SH3RF3: variants seen among roughly 807,000 people sequenced by gnomAD.
SH3RF3 encodes SH3 domain containing ring finger 3, also known as E3 ubiquitin-protein ligase SH3RF3.
Under a neutral mutation model 66.3 loss-of-function variants are expected in SH3RF3, and 29 were observed. The ratio of observed to expected loss-of-function variants is 0.44; its 90% CI spans 0.33 to 0.60. SH3RF3 has a LOEUF of 0.60. Ranked by LOEUF, SH3RF3 falls within the 20% of genes least tolerant of loss-of-function variation. SH3RF3 has a pLI of 0.04. For missense variants in SH3RF3, 1,194 were observed against 1,190.9 expected (o/e 1.00, Z -0.04); for synonymous variants, 583 against 532.0 (o/e 1.10, Z -1.32).
chr2:109,182,333 A>G (rs952530307), intron 1 of SH3RF3, among the ~76,000 whole-genome samples: 1 of 152,202 alleles, frequency 6.6e-6, no homozygotes, highest in Non-Finnish European at 1.5e-5. Context: ...TTTTATAACT[A>G]GCCCACTCCC....
chr2:109,386,145 C>T (rs1407315789), intron 3 of SH3RF3, among the ~76,000 whole-genome samples: 1 of 152,234 alleles, frequency 6.6e-6, no homozygotes, highest in East Asian at 1.9e-4. Flanking sequence ...AGGGTCAAGG[C>T]TGCAAAGCTG....
chr2:109,156,052 G>A (rs905872388), intron 1 of SH3RF3, among the ~76,000 whole-genome samples: 4 of 152,172 alleles, frequency 2.6e-5, no homozygotes, highest in Admixed American at 1.3e-4. Flanking sequence ...GAAATCACCC[G>A]TACTTTGGGA....
At chr2:109,313,523 C>T (rs767191388) in intron 1 of SH3RF3, 16 of 154,866 alleles carry the variant, frequency 1.0e-4, no homozygotes, top group Middle Eastern at 5.1e-4. Context: ...AGTTGGTCAT[C>T]GCAATGGTCT....
At chr2:109,470,380 A>G (rs1678471527) in intron 8 of SH3RF3, among the ~76,000 whole-genome samples, 1 of 152,140 alleles carries the variant, frequency 6.6e-6, no homozygotes, top group East Asian at 1.9e-4. Flanking sequence ...GCTGGATCTC[A>G]ACAAGTCCCT....
intron 8 of SH3RF3, among the ~76,000 whole-genome samples, chr2:109,482,659 T>G (rs1012999796): frequency 6.6e-6 from 1 of 152,236 alleles, no homozygotes; most frequent in African/African-American, 2.4e-5. Flanking sequence ...GTAATAATCC[T>G]GATGCCCAGG....
In SH3RF3 at chr2:109,457,820, C is replaced by T. The variant is rs576166730; in HGVS notation, c.2148+8331C>T. ...GTTCAGAAGAAAAACAAGCGCACAC[C>T]CCATAAACTACATCAGAAGGTAATG... On this transcript the variant is annotated intron_variant, in intron 8 of 9. Transcript: ENST00000309415. Among the ~76,000 whole-genome samples the T allele has an allele frequency of 2.3e-4, 35 of 152,286 alleles. No individual in the cohort carries two copies. The South Asian group carries it at 7.0e-3, about 31-fold the overall frequency.
At chr2:109,143,753 G>GAAACAAAACA (rs202176477) in intron 1 of SH3RF3, among the ~76,000 whole-genome samples, 10 of 132,410 alleles carry the variant, frequency 7.6e-5, no homozygotes, top group South Asian at 5.6e-4. Flanking sequence ...CACCCTGTCT[G>GAAACAAAACA]AAACAAAACA....
chr2:109,429,225 G>C (rs540722860), intron 5 of SH3RF3, among the ~76,000 whole-genome samples: 1 of 152,080 alleles, frequency 6.6e-6, no homozygotes, highest in South Asian at 2.1e-4. Context: ...ACCCCCACCC[G>C]GGCCAAGGCC....
At chr2:109,263,522 A>G (rs1446997068) in intron 1 of SH3RF3, among the ~76,000 whole-genome samples, 1 of 152,216 alleles carries the variant, frequency 6.6e-6, no homozygotes, top group Non-Finnish European at 1.5e-5. Context: ...GCATACATAG[A>G]AAGATTGATT....
At chr2:109,286,731 T>C (rs1681037683) in intron 1 of SH3RF3, among the ~76,000 whole-genome samples, 1 of 152,098 alleles carries the variant, frequency 6.6e-6, no homozygotes, top group Non-Finnish European at 1.5e-5. Flanking sequence ...CCCAGTACCT[T>C]TGGGAGTGTT....
At chr2:109,141,915 T>A (rs1299184387) in intron 1 of SH3RF3, among the ~76,000 whole-genome samples, 1 of 152,004 alleles carries the variant, frequency 6.6e-6, no homozygotes, top group Non-Finnish European at 1.5e-5. Context: ...TCCTGCAAGC[T>A]CTGCAGGTGG....
At chr2:109,395,611 G>A (rs574221423) in intron 3 of SH3RF3, among the ~76,000 whole-genome samples, 57 of 152,320 alleles carry the variant, frequency 3.7e-4, no homozygotes, top group African/African-American at 1.3e-3. Context: ...AAGGCATGAG[G>A]GATGCATGCT....
Position 109,399,449 on chromosome 2 carries a change from T to G in SH3RF3, c.1299+506T>G, listed in dbSNP as rs550886754. Among the ~76,000 whole-genome samples, 87 of 38,972 alleles carry G rather than the reference T, an allele frequency of 2.2e-3. 1 individual carries two copies. The highest frequency in any genetic ancestry group is 0.015 in the Admixed American group (86 of 5,922). The allele number at this position is 38,972 out of a possible 152,430, so 25.6% of individuals were successfully genotyped here. A position where few individuals can be genotyped will look rare whatever the true frequency, so the allele number is the denominator to read the frequency against. On this transcript the variant is annotated intron_variant, in intron 4 of 9. Transcript: ENST00000309415. ...TATTTCTAGACTCCATTTCCACTAG[T>G]TTTTTTTTTTTGTAAATTGAAGTAA... is the stretch of plus-strand genomic sequence containing the variant.
intron 4 of SH3RF3, among the ~76,000 whole-genome samples, chr2:109,419,099 G>A (rs957674907): frequency 3.3e-5 from 5 of 152,238 alleles, no homozygotes; most frequent in African/African-American, 1.2e-4. Flanking sequence ...TCTGTCTGCT[G>A]TCATGGGACC....
intron 8 of SH3RF3, among the ~76,000 whole-genome samples, chr2:109,451,814 C>T (rs1677876889): frequency 6.6e-6 from 1 of 152,258 alleles, no homozygotes; most frequent in African/African-American, 2.4e-5. Flanking sequence ...CTCCTCCTCC[C>T]CTGATAGCTC....
chr2:109,194,457 T>C (rs1363621573), intron 1 of SH3RF3, among the ~76,000 whole-genome samples: 1 of 152,216 alleles, frequency 6.6e-6, no homozygotes, highest in East Asian at 1.9e-4. Context: ...GGCAGCTGTG[T>C]TGAGGCTCTG....
chr2:109,487,388 A>G (rs1679011526), intron 8 of SH3RF3, among the ~76,000 whole-genome samples: 1 of 152,174 alleles, frequency 6.6e-6, no homozygotes, highest in African/African-American at 2.4e-5. Context: ...GGATTCCGTG[A>G]GCATGACGAT....
At chr2:109,440,310 C>T (rs1378793528) in intron 7 of SH3RF3, among the ~76,000 whole-genome samples, 3 of 152,090 alleles carry the variant, frequency 2.0e-5, no homozygotes, top group African/African-American at 4.8e-5. Context: ...GCTCTTGGGC[C>T]GCCGAGGCCA....
chr2:109,320,773 A>G (rs957986385), intron 1 of SH3RF3, among the ~76,000 whole-genome samples: 6 of 152,242 alleles, frequency 3.9e-5, no homozygotes, highest in Admixed American at 3.3e-4. Context: ...GGGAGAAAAT[A>G]AAACTCGAGG....
Sources: gnomAD v4.1 joint callset for allele counts (sites outside exome capture counted in the v4.1 genomes callset) on GRCh38, gnomAD v4.1.1 for gene constraint, MANE v1.5 for transcripts, NCBI Gene and HGNC (gene_info 2026-07-23, HGNC 2026-07-21) for gene names.